The following PAWR variants were observed in gnomAD, a reference collection of about 807,000 sequenced individuals.
The protein encoded by PAWR is PRKC apoptosis WT1 regulator protein.
Under a neutral mutation model 32.0 loss-of-function variants are expected in PAWR, and 23 were observed. The ratio of observed to expected loss-of-function variants is 0.72; its 90% confidence interval spans 0.52 to 1.02. The LOEUF (loss-of-function observed/expected upper bound fraction) is 1.02. PAWR is among the 50% of genes least tolerant of loss of function. PAWR has a pLI of 0.00. For synonymous variants in PAWR, 226 were observed against 187.1 expected, an observed-to-expected ratio of 1.21 and a Z score of -1.70; for missense variants, 457 against 437.7, an observed-to-expected ratio of 1.04 and a Z score of -0.39.
chr12:79,591,106 C>T lies in PAWR; in HGVS notation c.*1501G>A, dbSNP rs1295144075. On this transcript the variant is annotated 3_prime_UTR_variant, in exon 7 of 7. Transcript: ENST00000328827. ...AATCCAGAGTCTCAACCTAAACCTACATAGGAGCTACAGCCAGGGAGTTCT... is the reference window on the plus strand; with the variant it reads ...AATCCAGAGTCTCAACCTAAACCTATATAGGAGCTACAGCCAGGGAGTTCT... 6.6e-6 allele frequency: 1 copy of T among 152,174 alleles called. No individual in the cohort carries two copies. The highest frequency in any genetic ancestry group is 1.5e-5 in the Non-Finnish European group (1 of 68,034). The allele number at this position is 152,174 out of a possible 1,614,324, so 9.4% of individuals were successfully genotyped here. A position where few individuals can be genotyped will look rare whatever the true frequency, so the allele number is the denominator to read the frequency against.
chr12:79,648,793 G>GGAAAAAAA (rs1555176091), intron 2 of PAWR, among the ~76,000 whole-genome samples: 15 of 120,400 alleles, frequency 1.2e-4, no homozygotes, highest in African/African-American at 6.5e-4. Context: ...ACAGGGGCTA[G>GGAAAAAAA]AAAAAAAAAA....
At chr12:79,650,468 C>CA (rs1876788375) in intron 2 of PAWR, among the ~76,000 whole-genome samples, 1 of 152,034 alleles carries the variant, frequency 6.6e-6, no homozygotes, top group South Asian at 2.1e-4. Flanking sequence ...ATTCATATTC[C>CA]ATATAAACAT....
intron 2 of PAWR, among the ~76,000 whole-genome samples, chr12:79,664,430 T>C (rs765577199): frequency 6.6e-6 from 1 of 152,230 alleles, no homozygotes; most frequent in Non-Finnish European, 1.5e-5. Context: ...CATGCCATGC[T>C]TCCAGATCAT....
intron 6 of PAWR, among the ~76,000 whole-genome samples, chr12:79,594,126 A>C (rs1310298436): frequency 2.6e-5 from 4 of 152,306 alleles, no homozygotes; most frequent in South Asian, 2.1e-4. Context: ...TCTATCTCCA[A>C]AAGAATAAAA....
chr12:79,632,343 ATATATATATATATATATATTT>A (rs1875725211), intron 2 of PAWR, among the ~76,000 whole-genome samples: 2 of 58,294 alleles, frequency 3.4e-5, no homozygotes, highest in Non-Finnish European at 4.9e-5. Flanking sequence ...ATATATATAT[ATATATATATATATATATATTT>A]TTTTTTTTTT....
At chr12:79,637,216 A>G (rs1248859296) in intron 2 of PAWR, among the ~76,000 whole-genome samples, 1 of 152,152 alleles carries the variant, frequency 6.6e-6, no homozygotes, top group Non-Finnish European at 1.5e-5. Context: ...TTGGGATCAC[A>G]CAATTACAAA....
At chr12:79,637,537 A>G (rs1876018570) in intron 2 of PAWR, among the ~76,000 whole-genome samples, 2 of 132,378 alleles carry the variant, frequency 1.5e-5, no homozygotes, top group African/African-American at 8.6e-5. Flanking sequence ...ACAACATTGA[A>G]CATTAAAAAA....
intron 2 of PAWR, among the ~76,000 whole-genome samples, chr12:79,649,341 G>A (rs1381167139): frequency 6.6e-6 from 1 of 151,850 alleles, no homozygotes; most frequent in Non-Finnish European, 1.5e-5. Context: ...TTATGTTAAG[G>A]ACATTTATGA....
chr12:79,604,516 A>G (rs1874091315), intron 4 of PAWR: 6 of 1,161,442 alleles, frequency 5.2e-6, no homozygotes, highest in Non-Finnish European at 6.5e-6. Flanking sequence ...ATGAGAAGAA[A>G]TACAAGACTC....
At chr12:79,656,742 G>A (rs1877112445) in intron 2 of PAWR, among the ~76,000 whole-genome samples, 1 of 152,120 alleles carries the variant, frequency 6.6e-6, no homozygotes, top group Admixed American at 6.5e-5. Flanking sequence ...CACCATCCCT[G>A]AAATAACAAC....
chr12:79,678,663 C>G (rs73345554), intron 2 of PAWR, among the ~76,000 whole-genome samples: 1,827 of 152,362 alleles, frequency 0.012, 46 homozygotes, highest in African/African-American at 0.041. Flanking sequence ...TCTGGACATA[C>G]AGCAGGCATG....
At chr12:79,622,355 T>C (rs1875063653) in intron 2 of PAWR, among the ~76,000 whole-genome samples, 1 of 152,084 alleles carries the variant, frequency 6.6e-6, no homozygotes, top group Admixed American at 6.5e-5. Context: ...ATGTGCACAA[T>C]GTGCAGGTTT....
chr12:79,611,413 A>G (rs1184440167), intron 4 of PAWR, among the ~76,000 whole-genome samples: 1 of 151,288 alleles, frequency 6.6e-6, no homozygotes, highest in Non-Finnish European at 1.5e-5. Context: ...CCAAATTTCT[A>G]TCTTTTACTC....
chr12:79,655,142 TA>T (rs1367457649), intron 2 of PAWR, among the ~76,000 whole-genome samples: 1 of 152,200 alleles, frequency 6.6e-6, no homozygotes, highest in African/African-American at 2.4e-5. Flanking sequence ...GGAGGCTTGT[TA>T]AGAATAGAAT....
At chr12:79,639,097 G>C (rs71463829) in intron 2 of PAWR, among the ~76,000 whole-genome samples, 1 of 149,438 alleles carries the variant, frequency 6.7e-6, no homozygotes, top group Admixed American at 6.7e-5. Flanking sequence ...ATTTTTAGTA[G>C]AGACAGGGTT....
At chr12:79,604,821 T>G in intron 4 of PAWR, 1 of 433,330 alleles carries the variant, frequency 2.3e-6, no homozygotes, top group Non-Finnish European at 3.7e-6. Context: ...TTAAAATTGA[T>G]ACATATTTAT....
intron 4 of PAWR, among the ~76,000 whole-genome samples, chr12:79,609,351 C>T (rs1874333472): frequency 6.6e-6 from 1 of 152,138 alleles, no homozygotes; most frequent in Non-Finnish European, 1.5e-5. Context: ...GAAGTTGTAA[C>T]ATCACATATG....
chr12:79,672,409 CTTTTG>C (rs1036894337), intron 2 of PAWR, among the ~76,000 whole-genome samples: 40 of 152,100 alleles, frequency 2.6e-4, no homozygotes, highest in Admixed American at 8.5e-4. Context: ...CCACCTAGAA[CTTTTG>C]TTTTGTTTTC....
rs1873590031 is a variant in PAWR at position 79,592,506 on chromosome 12, T to C, written c.*101A>G. 1.7e-6 allele frequency: 1 copy of C among 583,312 alleles called. No individual in the cohort carries two copies. Among genetic ancestry groups the C allele is most frequent in the East Asian group, 3.2e-5 (1 of 31,460 alleles). The allele number at this position is 583,312 out of a possible 1,614,324, so 36.1% of individuals were successfully genotyped here. ...GCTAGAAATAAATATACTTGCTTAG[T>C]TATTTTAATGTATTGCAGCATAGGA... On this transcript the variant is annotated 3_prime_UTR_variant, in exon 7 of 7. Transcript: ENST00000328827.
Sources: allele counts gnomAD v4.1 joint callset (sites outside exome capture counted in the v4.1 genomes callset), GRCh38; gene constraint gnomAD v4.1.1; transcripts MANE v1.5; gene names NCBI Gene and HGNC (gene_info 2026-07-23, HGNC 2026-07-21).